ANKRD28: variants seen among roughly 807,000 people sequenced by gnomAD.
The protein encoded by ANKRD28 is serine/threonine-protein phosphatase 6 regulatory ankyrin repeat subunit A.
In ANKRD28, 44 loss-of-function variants were observed where a neutral mutation model predicts 126.5. The observed-to-expected ratio is 0.35, with a 90% CI of 0.27 to 0.45. ANKRD28 has a LOEUF of 0.45. Ranked by LOEUF, ANKRD28 falls within the 20% of genes least tolerant of loss-of-function variation. The pLI is 1.00. For synonymous variants in ANKRD28, 442 were observed against 468.5 expected (o/e 0.94, Z 0.73); for missense variants, 1,110 against 1,316.6 (o/e 0.84, Z 2.43).
chr3:15,847,091 A>G (rs1345571828), intron 1 of ANKRD28, among the ~76,000 whole-genome samples: 1 of 152,232 alleles, frequency 6.6e-6, no homozygotes, highest in African/African-American at 2.4e-5. Flanking sequence ...ATCATTCAGC[A>G]GGTCTAATAG....
Position 15,812,031 on chromosome 3 carries a change from T to C in ANKRD28, c.28-16725A>G, listed in dbSNP as rs1189734931. On this transcript the variant is annotated intron_variant, in intron 1 of 27. Transcript: ENST00000399451. This position sits in a 1 kb window ranked among gnomAD's most constrained non-coding sequence, Gnocchi z 4.1. ...AGCCAGGCGTGGTGGTACGCACCTG[T>C]AGTCCCAGCTACTCAGGAGGCTGAG... 6.6e-6 allele frequency among the ~76,000 whole-genome samples: 1 copy of C among 151,934 alleles called. No individual in the cohort carries two copies. The highest frequency in any genetic ancestry group is 1.5e-5 in the Non-Finnish European group (1 of 67,966).
At chr3:15,671,114 C>T (rs1286620530) in intron 27 of ANKRD28, among the ~76,000 whole-genome samples, 1 of 152,148 alleles carries the variant, frequency 6.6e-6, no homozygotes, top group African/African-American at 2.4e-5. Context: ...CTCTTGGGGT[C>T]ACAGTCTCTT....
In ANKRD28 at chr3:15,816,720, A is replaced by G. The variant is rs973909966; in HGVS notation, c.28-21414T>C. 1.3e-5 allele frequency among the ~76,000 whole-genome samples: 2 copies of G among 152,226 alleles called. No individual in the cohort carries two copies. The highest frequency in any genetic ancestry group is 4.8e-5 in the African/African-American group (2 of 41,450). On this transcript the variant is annotated intron_variant, in intron 1 of 27. Transcript: ENST00000399451. The surrounding 1 kb of genome is among the most constrained non-coding windows in gnomAD (Gnocchi z 5.0). The stretch of plus-strand genomic sequence containing the variant: ...GAGCATCTTTTCATATAAAATTATC[A>G]AAGTATGTCAATCGTCTCAATTTAT...
At chr3:15,763,118 C>G (rs2058576377) in intron 3 of ANKRD28, among the ~76,000 whole-genome samples, 1 of 152,192 alleles carries the variant, frequency 6.6e-6, no homozygotes, top group African/African-American at 2.4e-5. Context: ...TTTACTCCAG[C>G]TAATTTTACT....
intron 1 of ANKRD28, among the ~76,000 whole-genome samples, chr3:15,835,981 T>C (rs912470937): frequency 7.2e-5 from 11 of 152,248 alleles, no homozygotes; most frequent in Admixed American, 2.6e-4. Flanking sequence ...AAGAGGTAAC[T>C]GCATAGAACA....
rs578002548 is a variant in ANKRD28, at chr3:15,843,956, A to G, written c.27+15421T>C. Among the ~76,000 whole-genome samples the G allele has an allele frequency of 2.0e-5, 3 of 152,162 alleles. No homozygotes were observed. The highest frequency in any genetic ancestry group is 4.1e-4 in the South Asian group (2 of 4,834). On this transcript the variant is annotated intron_variant, in intron 1 of 27. Coordinates refer to the ANKRD28 transcript ENST00000399451. This position sits in a 1 kb window ranked among gnomAD's most constrained non-coding sequence, Gnocchi z 5.2. Reference sequence around the variant, plus strand: ...AAAGTTGGGCCAAAAGGGCTAAAGGAAGGGAGGTTAAGGTGGAAATGCAGG... The same window carrying G: ...AAAGTTGGGCCAAAAGGGCTAAAGGGAGGGAGGTTAAGGTGGAAATGCAGG...
chr3:15,709,599 G>T, intron 13 of ANKRD28, 69 bp downstream of exon 13: 2 of 1,066,458 alleles, frequency 1.9e-6, no homozygotes, highest in Non-Finnish European at 2.7e-6. Flanking sequence ...ATTTTCAGAA[G>T]CCAGTTAGAA....
intron 17 of ANKRD28, 104 bp from the exon 18 acceptor site, chr3:15,690,324 C>CAAGTAGGATAATAA: frequency 2.1e-6 from 2 of 951,406 alleles, no homozygotes; most frequent in Non-Finnish European, 3.0e-6. Flanking sequence ...TATTATTATC[C>CAAGTAGGATAATAA]TACTTGAGAT....
chr3:15,730,930 T>C (rs761508476), intron 6 of ANKRD28, among the ~76,000 whole-genome samples: 7 of 152,182 alleles, frequency 4.6e-5, no homozygotes, highest in Non-Finnish European at 1.0e-4. Flanking sequence ...AATGCTATCT[T>C]GGGATCGAGC....
upstream of ANKRD28, among the ~76,000 whole-genome samples, chr3:15,801,070 G>A (rs1041290579): frequency 1.3e-5 from 2 of 151,940 alleles, no homozygotes; most frequent in African/African-American, 4.8e-5. This position sits in a 1 kb window ranked among gnomAD's most constrained non-coding sequence, Gnocchi z 4.9. Context: ...AAATATCAAG[G>A]GGATGTGGTT....
intron 21 of ANKRD28, chr3:15,684,861 T>C (rs1021125294): frequency 1.0e-5 from 2 of 193,988 alleles, no homozygotes; most frequent in African/African-American, 2.4e-5. Context: ...TGGTGGCTCA[T>C]GCCTGTAATC....
chr3:15,765,657 T>C (rs1204954795), intron 3 of ANKRD28, among the ~76,000 whole-genome samples: 3 of 152,004 alleles, frequency 2.0e-5, no homozygotes, highest in Admixed American at 2.0e-4. Context: ...CTGGCCAACA[T>C]GGTGAAACCC....
At chr3:15,674,358 G>C (rs1380437084) in intron 27 of ANKRD28, among the ~76,000 whole-genome samples, 1 of 147,190 alleles carries the variant, frequency 6.8e-6, no homozygotes, top group East Asian at 2.0e-4. Context: ...GTATGAGTGA[G>C]AGGAATCAAG....
chr3:15,823,166 A>G (rs2060981377), intron 1 of ANKRD28, among the ~76,000 whole-genome samples: 3 of 152,180 alleles, frequency 2.0e-5, no homozygotes, highest in Admixed American at 2.0e-4. Flanking sequence ...ACCTCAAATC[A>G]TCAGGCATTA....
chr3:15,681,104 T>C (rs900268022), intron 21 of ANKRD28, among the ~76,000 whole-genome samples: 6 of 152,238 alleles, frequency 3.9e-5, no homozygotes, highest in Non-Finnish European at 8.8e-5. Context: ...CAAAACTCCA[T>C]AGTCCCTTAT....
intron 14 of ANKRD28, among the ~76,000 whole-genome samples, chr3:15,702,396 A>G (rs2070747376): frequency 6.6e-6 from 1 of 152,196 alleles, no homozygotes; most frequent in Non-Finnish European, 1.5e-5. Context: ...TTTGCACATT[A>G]ACACATGTTC....
At chr3:15,808,968 T>C (rs752817761) in intron 1 of ANKRD28, among the ~76,000 whole-genome samples, 1 of 152,176 alleles carries the variant, frequency 6.6e-6, no homozygotes, top group African/African-American at 2.4e-5. Flanking sequence ...CCTTTTCACT[T>C]GGTTTTTCTT....
chr3:15,760,181 G>C (rs1322225341), intron 3 of ANKRD28, among the ~76,000 whole-genome samples: 5 of 152,118 alleles, frequency 3.3e-5, no homozygotes, highest in Non-Finnish European at 5.9e-5. Flanking sequence ...ACACACACTG[G>C]GGCCTATCAG....
chr3:15,831,438 G>A (rs895578745), intron 1 of ANKRD28, among the ~76,000 whole-genome samples: 4 of 152,164 alleles, frequency 2.6e-5, no homozygotes, highest in African/African-American at 9.7e-5. Flanking sequence ...TTGTTATAGA[G>A]GAACGTCCTG....
Sources: gnomAD v4.1 joint callset for allele counts (sites outside exome capture counted in the v4.1 genomes callset) on GRCh38, gnomAD v4.1.1 for gene constraint, Gnocchi (gnomAD v3.1) non-coding constraint, MANE v1.5 for transcripts, NCBI Gene and HGNC (gene_info 2026-07-23, HGNC 2026-07-21) for gene names.